Variants in EXD3 observed in about 807,000 individuals in gnomAD.
EXD3 encodes the protein exonuclease mut-7 homolog.
EXD3 carries 92 observed loss-of-function variants against 98.0 expected under a neutral mutation model. The observed-to-expected ratio is 0.94, with a 90% CI of 0.79 to 1.12. The LOEUF (loss-of-function observed/expected upper bound fraction) is 1.12. Among genes scored for constraint, EXD3 ranks in the 50% most tolerant of loss-of-function variants. EXD3 has a pLI of 0.00. For missense variants in EXD3, 1,222 were observed against 1,191.6 expected (o/e 1.03, Z -0.38); for synonymous variants, 569 against 526.0 (o/e 1.08, Z -1.12).
Position 137,347,975 on chromosome 9 carries a change from GA to G in EXD3, c.1998+95del. On this transcript the variant is annotated intron_variant, in intron 17 of 21. Coordinates refer to ENST00000340951, the MANE Select transcript of EXD3 (RefSeq NM_017820.5). The surrounding 1 kb of genome is among the most constrained non-coding windows in gnomAD (Gnocchi z 4.2). ...CCTGGCACAGCTGGCAGCCATGGAT[GA>G]GCTGGAGGGAGGAGTTTGATGCTAG... is the stretch of plus-strand genomic sequence containing the variant. 2 of 1,374,714 alleles carry G rather than the reference GA, an allele frequency of 1.5e-6. No individual in the cohort carries two copies. Among genetic ancestry groups the G allele is most frequent in the Non-Finnish European group, 2.0e-6 (2 of 1,020,044 alleles). The allele number at this position is 1,374,714 out of a possible 1,614,324, so 85.2% of individuals were successfully genotyped here.
Position 137,307,458 on chromosome 9 carries a change from C to T in EXD3, c.2317+150G>A, listed in dbSNP as rs1265153103. 6.3e-6 allele frequency: 8 copies of T among 1,262,430 alleles called. No homozygotes were observed. In the East Asian group the frequency reaches 2.0e-4, roughly 32 times the overall value. The allele number at this position is 1,262,430 out of a possible 1,614,324, so 78.2% of individuals were successfully genotyped here. The stretch of plus-strand genomic sequence containing the variant: ...GCCCACTTCTCCTATCCAGGGACCC[C>T]ACCCCTCACCTTGCAGGCCCTAGGG... On this transcript the variant is annotated intron_variant, in intron 21 of 21. Coordinates refer to ENST00000340951, the MANE Select transcript of EXD3 (RefSeq NM_017820.5).
At chr9:137,317,198 G>A (rs1331440016) in intron 19 of EXD3, among the ~76,000 whole-genome samples, 2 of 152,140 alleles carry the variant, frequency 1.3e-5, no homozygotes, top group Non-Finnish European at 2.9e-5. Flanking sequence ...GGCCCCAGGC[G>A]CGCACCTGCC....
chr9:137,357,805 T>C (rs1834870216), intron 7 of EXD3, among the ~76,000 whole-genome samples: 1 of 151,688 alleles, frequency 6.6e-6, no homozygotes, highest in Admixed American at 6.6e-5. Context: ...GGTCCCACAA[T>C]AGGCCATGTG....
At chr9:137,308,610 T>A (rs1831182941) in intron 20 of EXD3, among the ~76,000 whole-genome samples, 1 of 148,984 alleles carries the variant, frequency 6.7e-6, no homozygotes, top group African/African-American at 2.5e-5. Context: ...CTCCCCGTCC[T>A]CCCACCCTGA....
chr9:137,390,828 C>A (rs527279690), intron 2 of EXD3, among the ~76,000 whole-genome samples: 5 of 152,356 alleles, frequency 3.3e-5, no homozygotes, highest in Non-Finnish European at 5.9e-5. Context: ...GCTCAGCCTC[C>A]TTCAGTGGAG....
At chr9:137,330,573 G>GGTACACAGGA in intron 17 of EXD3, among the ~76,000 whole-genome samples, 3 of 61,406 alleles carry the variant, frequency 4.9e-5, no homozygotes, top group Non-Finnish European at 1.0e-4. Context: ...CTCCACAGGA[G>GGTACACAGGA]CTACACAGGA....
At chr9:137,334,293 C>T (rs750490299) in intron 17 of EXD3, among the ~76,000 whole-genome samples, 1 of 152,144 alleles carries the variant, frequency 6.6e-6, no homozygotes, top group Non-Finnish European at 1.5e-5. Flanking sequence ...TGAGCCACTG[C>T]ACCTGGCCTC....
intron 5 of EXD3, among the ~76,000 whole-genome samples, chr9:137,369,595 C>T (rs1045589116): frequency 2.3e-5 from 3 of 129,878 alleles, no homozygotes; most frequent in South Asian, 2.7e-4. Context: ...CTTCCCTCAC[C>T]GCTGCTGTCC....
rs928402590 is a variant in EXD3 at position 137,405,167 on chromosome 9, G to C, written c.-47-9763C>G. ...AGCGGGTGTCCAAAGACCCTACTTGGGAGCCCCGCACATCCGCACATCCCA... is the reference window on the plus strand; with the variant it reads ...AGCGGGTGTCCAAAGACCCTACTTGCGAGCCCCGCACATCCGCACATCCCA... On this transcript the variant is annotated intron_variant, in intron 1 of 21. Coordinates refer to ENST00000340951, the MANE Select transcript of EXD3 (RefSeq NM_017820.5). The surrounding 1 kb of genome is among the most constrained non-coding windows in gnomAD (Gnocchi z 4.1). Among the ~76,000 whole-genome samples the C allele has an allele frequency of 1.1e-4, 16 of 152,194 alleles. No individual in the cohort carries two copies. Among genetic ancestry groups the C allele is most frequent in the Non-Finnish European group, 2.4e-4 (16 of 68,026 alleles).
intron 17 of EXD3, among the ~76,000 whole-genome samples, chr9:137,327,931 CTGAGTAAAACAACTAATATACTCCTAT>C (rs1832544208): frequency 4.4e-4 from 1 of 2,298 alleles, no homozygotes. Flanking sequence ...CTCCCATATG[CTGAGTAAAACAACTAATATACTCCTAT>C]ATGATGAGTA....
At chr9:137,387,690 G>A (rs977623866) in intron 2 of EXD3, among the ~76,000 whole-genome samples, 7 of 152,174 alleles carry the variant, frequency 4.6e-5, no homozygotes, top group Non-Finnish European at 5.9e-5. Flanking sequence ...CACGGGGTCC[G>A]AGAAGGGCGG....
chr9:137,319,689 A>T (rs1433605460), intron 19 of EXD3, among the ~76,000 whole-genome samples: 1 of 152,172 alleles, frequency 6.6e-6, no homozygotes, highest in Non-Finnish European at 1.5e-5. Context: ...GGCTGTGGGC[A>T]TTGGGCCACC....
Position 137,368,763 on chromosome 9 carries a change from C to T in EXD3, c.463-774G>A, listed in dbSNP as rs113502857. ...GGGGGCGCAGGGCCGGGGGCCTTTC[C>T]CTGCGCAGCGCTGACCCGGCGCCTC... is the stretch of plus-strand genomic sequence containing the variant. On this transcript the variant is annotated intron_variant, in intron 5 of 21. Coordinates refer to ENST00000340951, the MANE Select transcript of EXD3 (RefSeq NM_017820.5). 2.8e-3 allele frequency among the ~76,000 whole-genome samples: 424 copies of T among 149,174 alleles called. 2 individuals are homozygous for T. The highest frequency in any genetic ancestry group is 0.01 in the African/African-American group (407 of 40,640).
intron 7 of EXD3, among the ~76,000 whole-genome samples, chr9:137,358,191 A>G (rs887457032): frequency 5.9e-5 from 9 of 152,200 alleles, no homozygotes; most frequent in African/African-American, 2.2e-4. Context: ...GAGGCCCCAC[A>G]GCCCTAACTG....
At chr9:137,331,793 G>C (rs944886611) in intron 17 of EXD3, among the ~76,000 whole-genome samples, 1 of 152,174 alleles carries the variant, frequency 6.6e-6, no homozygotes, top group African/African-American at 2.4e-5. Flanking sequence ...GTGCACGCCT[G>C]TAGTCCCAGC....
chr9:137,324,203 A>T lies in EXD3; in HGVS notation c.1999-60T>A. 6.9e-7 allele frequency: 1 copy of T among 1,442,132 alleles called. No individual in the cohort carries two copies. Among genetic ancestry groups the T allele is most frequent in the Non-Finnish European group, 9.5e-7 (1 of 1,051,316 alleles). The allele number at this position is 1,442,132 out of a possible 1,614,324, so 89.3% of individuals were successfully genotyped here. A position where few individuals can be genotyped will look rare whatever the true frequency, so the allele number is the denominator to read the frequency against. ...CAGCTCCGTGCTCCTGGACTGGGCCACCTCTGCTCGCCACCCCCTAGCTCC... is the reference window on the plus strand; with the variant it reads ...CAGCTCCGTGCTCCTGGACTGGGCCTCCTCTGCTCGCCACCCCCTAGCTCC... On this transcript the variant is annotated intron_variant, in intron 17 of 21. Transcript: ENST00000340951. The surrounding 1 kb of genome is among the most constrained non-coding windows in gnomAD (Gnocchi z 4.1).
At chr9:137,318,928 C>T (rs1445803237) in intron 19 of EXD3, among the ~76,000 whole-genome samples, 6 of 152,258 alleles carry the variant, frequency 3.9e-5, no homozygotes, top group Non-Finnish European at 5.9e-5. Flanking sequence ...GCCCACCGTA[C>T]CACCCAGAGA....
At chr9:137,392,139 G>A (rs1438629576) in intron 2 of EXD3, 7 of 152,342 alleles carry the variant, frequency 4.6e-5, no homozygotes, top group African/African-American at 1.4e-4. Context: ...CTGGCCGTGA[G>A]CCTGGCCAAG....
chr9:137,384,483 G>A (rs1836485302), intron 2 of EXD3, among the ~76,000 whole-genome samples: 1 of 152,248 alleles, frequency 6.6e-6, no homozygotes, highest in Non-Finnish European at 1.5e-5. Flanking sequence ...CCTGAACTGG[G>A]TAAAAGCCAT....
Sources: gnomAD v4.1 joint callset for allele counts (sites outside exome capture counted in the v4.1 genomes callset) on GRCh38, gnomAD v4.1.1 for gene constraint, Gnocchi (gnomAD v3.1) non-coding constraint, MANE v1.5 for transcripts, NCBI Gene and HGNC (gene_info 2026-07-23, HGNC 2026-07-21) for gene names.